TSC22D1: variants seen among roughly 807,000 people sequenced by gnomAD.
TSC22D1 encodes the protein TSC22 domain family protein 1.
In TSC22D1, 9 loss-of-function variants were observed where a neutral mutation model predicts 74.2. The ratio of observed to expected loss-of-function variants is 0.12; its 90% CI spans 0.07 to 0.21. The LOEUF is 0.21. Among genes scored for constraint, TSC22D1 ranks in the 10% least tolerant of loss-of-function variants. TSC22D1 has a pLI of 1.00. For synonymous variants in TSC22D1, 586 were observed against 492.5 expected (o/e 1.19, Z -2.51); for missense variants, 1,427 against 1,304.7 (o/e 1.09, Z -1.44).
intron 1 of TSC22D1, 57 bp downstream of exon 1, chr13:44,573,106 C>A (rs1566183752): frequency 6.4e-7 from 1 of 1,570,570 alleles, no homozygotes; most frequent in African/African-American, 1.4e-5. Flanking sequence ...CATATAGCTA[C>A]TAAATAGATT....
chr13:44,550,689 T>C (rs911688481), intron 1 of TSC22D1, among the ~76,000 whole-genome samples: 4 of 152,024 alleles, frequency 2.6e-5, no homozygotes, highest in Non-Finnish European at 5.9e-5. Flanking sequence ...TACCAGATTA[T>C]AGTATTTCTA....
At chr13:44,568,852 A>G (rs1322014517) in intron 1 of TSC22D1, among the ~76,000 whole-genome samples, 1 of 152,198 alleles carries the variant, frequency 6.6e-6, no homozygotes, top group African/African-American at 2.4e-5. Flanking sequence ...ACCCATTTCT[A>G]TAATAGACAG....
intron 1 of TSC22D1, among the ~76,000 whole-genome samples, chr13:44,475,214 A>T (rs886350085): frequency 2.5e-4 from 38 of 152,108 alleles, no homozygotes; most frequent in Admixed American, 8.5e-4. Context: ...TGAGAAAATT[A>T]AAAAAATTTT....
intron 1 of TSC22D1, among the ~76,000 whole-genome samples, chr13:44,459,361 G>C (rs1876868922): frequency 6.6e-6 from 1 of 152,162 alleles, no homozygotes; most frequent in Non-Finnish European, 1.5e-5. Flanking sequence ...ACCCACTATG[G>C]ATATCCTCTC....
intron 1 of TSC22D1, among the ~76,000 whole-genome samples, chr13:44,570,605 C>T (rs1566182128): frequency 6.6e-6 from 1 of 152,208 alleles, no homozygotes; most frequent in African/African-American, 2.4e-5. Flanking sequence ...GCACTTTCCA[C>T]ATGTCTAAAC....
At chr13:44,490,887 A>G (rs896001276) in intron 1 of TSC22D1, among the ~76,000 whole-genome samples, 4 of 151,430 alleles carry the variant, frequency 2.6e-5, no homozygotes, top group African/African-American at 7.3e-5. Flanking sequence ...ACAAGGCTGG[A>G]GTGAAACTCC....
intron 1 of TSC22D1, among the ~76,000 whole-genome samples, chr13:44,512,131 C>T (rs1490609132): frequency 1.3e-5 from 2 of 152,004 alleles, no homozygotes; most frequent in Non-Finnish European, 2.9e-5. Context: ...CTGGCCATCT[C>T]TACTTGGATA....
intron 1 of TSC22D1, among the ~76,000 whole-genome samples, chr13:44,526,357 C>A (rs1880546303): frequency 6.7e-6 from 1 of 149,602 alleles, no homozygotes. Flanking sequence ...AAGGAAATGC[C>A]AGAAATAAAA....
In TSC22D1 at chr13:44,433,710, C is replaced by A. The variant is rs767159490; in HGVS notation, c.*916G>T. The A allele has an allele frequency of 1.6e-4, 72 of 438,240 alleles. No individual in the cohort carries two copies. The highest frequency in any genetic ancestry group is 6.0e-4 in the Middle Eastern group (1 of 1,662). 27.1% of individuals were successfully genotyped at this position (438,240 alleles called of 1,614,324 possible). On this transcript the variant is annotated 3_prime_UTR_variant, in exon 3 of 3. Coordinates refer to ENST00000458659, the MANE Select transcript of TSC22D1 (RefSeq NM_183422.4). ...ACTGAGCATTTTTCAAAGTATTCAA[C>A]CAGCTCAATTGAAAGACTTCAGTGA...
intron 1 of TSC22D1, among the ~76,000 whole-genome samples, chr13:44,461,666 C>T (rs1422739653): frequency 2.6e-5 from 4 of 152,106 alleles, no homozygotes; most frequent in Non-Finnish European, 5.9e-5. Flanking sequence ...CAGTAGGGTC[C>T]TCTGAAATAA....
chr13:44,503,343 A>AAG (rs1178384591), intron 1 of TSC22D1, among the ~76,000 whole-genome samples: 1 of 152,164 alleles, frequency 6.6e-6, no homozygotes, highest in Non-Finnish European at 1.5e-5. Flanking sequence ...AAAAACAGAG[A>AAG]AGAGAGAGAC....
At position 44,574,563 on chromosome 13, in the gene TSC22D1, T is replaced by A. The variant is rs557685909; in HGVS notation, c.1512A>T (p.Gln504His). 2 of 1,614,094 alleles carry A rather than the reference T, an allele frequency of 1.2e-6. No individual in the cohort carries two copies. Among genetic ancestry groups the A allele is most frequent in the Non-Finnish European group, 1.7e-6 (2 of 1,180,028 alleles). ...VVVQQQQQQQ[Q>H]QQQQQPALQG... The stretch of plus-strand genomic sequence containing the variant: ...GGAGAGCTGGTTGTTGCTGTTGTTG[T>A]TGTTGTTGCTGCTGCTGCTGCTGCA... The change falls in exon 1 of 3, where the codon CAA (glutamine) becomes CAT (histidine). Residue 504 changes from glutamine to histidine, a missense_variant. By Grantham distance (24) the Gln-to-His change is conservative. Coordinates refer to ENST00000458659, the MANE Select transcript of TSC22D1 (RefSeq NM_183422.4).
Position 44,434,393 on chromosome 13 carries a change from T to G in TSC22D1, c.*233A>C. The G allele has an allele frequency of 7.3e-7, 1 of 1,374,002 alleles. No homozygotes were observed. Among genetic ancestry groups the G allele is most frequent in the South Asian group, 1.9e-5 (1 of 51,994 alleles). The allele number at this position is 1,374,002 out of a possible 1,614,324, so 85.1% of individuals were successfully genotyped here. A position where few individuals can be genotyped will look rare whatever the true frequency, so the allele number is the denominator to read the frequency against. ...TCTGCCAAGCTGCATGAGGTCCCGG[T>G]ATATCCATGCTAATTCTCGGATTAA... On this transcript the variant is annotated 3_prime_UTR_variant, in exon 3 of 3. Transcript: ENST00000458659.
rs1234312667 is a variant in TSC22D1, at chr13:44,517,687, GA to G, written c.2912+55475del. Among the ~76,000 whole-genome samples, 771 of 77,390 alleles carry G rather than the reference GA, an allele frequency of 1.0e-2. 11 individuals are homozygous for G. The highest frequency in any genetic ancestry group is 0.034 in the African/African-American group (683 of 20,226). The allele number at this position is 77,390 out of a possible 152,430, so 50.8% of individuals were successfully genotyped here. A position where few individuals can be genotyped will look rare whatever the true frequency, so the allele number is the denominator to read the frequency against. The stretch of plus-strand genomic sequence containing the variant: ...TGGTGAAACCCTGTTTCTATCAAAA[GA>G]AAAAAAAAAAAAGTTTAAGTATTTT... On this transcript the variant is annotated intron_variant, in intron 1 of 2. Coordinates refer to ENST00000458659, the MANE Select transcript of TSC22D1 (RefSeq NM_183422.4).
At chr13:44,516,884 A>G (rs756107481) in intron 1 of TSC22D1, among the ~76,000 whole-genome samples, 1 of 152,198 alleles carries the variant, frequency 6.6e-6, no homozygotes, top group Non-Finnish European at 1.5e-5. Context: ...TCAATTACCT[A>G]TAAGATGGAG....
At chr13:44,557,654 A>G (rs1162924174) in intron 1 of TSC22D1, among the ~76,000 whole-genome samples, 2 of 152,238 alleles carry the variant, frequency 1.3e-5, no homozygotes, top group Non-Finnish European at 2.9e-5. Context: ...AGTTGTAACC[A>G]CTCAAAATTA....
At chr13:44,500,005 T>A (rs1879151688) in intron 1 of TSC22D1, among the ~76,000 whole-genome samples, 1 of 150,928 alleles carries the variant, frequency 6.6e-6, no homozygotes. Context: ...GAGAATCACT[T>A]GAACCCAGGA....
chr13:44,524,972 T>C (rs1269217744), intron 1 of TSC22D1, among the ~76,000 whole-genome samples: 2 of 152,224 alleles, frequency 1.3e-5, no homozygotes, highest in Non-Finnish European at 2.9e-5. Flanking sequence ...CAGAACATTC[T>C]GTTATCCTTA....
At chr13:44,471,325 T>C (rs1158064396) in intron 1 of TSC22D1, among the ~76,000 whole-genome samples, 1 of 152,228 alleles carries the variant, frequency 6.6e-6, no homozygotes, top group East Asian at 1.9e-4. Flanking sequence ...ATGAAATTAT[T>C]TCTCAGGTCA....
Sources: gnomAD v4.1 joint callset for allele counts (sites outside exome capture counted in the v4.1 genomes callset) on GRCh38, gnomAD v4.1.1 for gene constraint, MANE v1.5 for transcripts, NCBI Gene and HGNC (gene_info 2026-07-23, HGNC 2026-07-21) for gene names.